ERAP2: variants seen among roughly 807,000 people sequenced by gnomAD.
ERAP2 encodes leukocyte-derived arginine aminopeptidase.
Under a neutral mutation model 111.1 loss-of-function variants are expected in ERAP2, and 118 were observed. The ratio of observed to expected loss-of-function variants is 1.06; its 90% CI spans 0.92 to 1.24. The LOEUF (loss-of-function observed/expected upper bound fraction) is 1.24, where lower values mean the gene tolerates loss of function less well. Ranked by LOEUF, ERAP2 falls within the 50% of genes most tolerant of loss-of-function variation. The probability of loss-of-function intolerance (pLI) is 0.00; values close to 1 mark genes in which losing one functional copy is unlikely to be tolerated. For synonymous variants in ERAP2, 410 were observed against 401.2 expected (o/e 1.02, Z -0.26); for missense variants, 1,131 against 1,125.8 (o/e 1.00, Z -0.07).
intron 7 of ERAP2, 138 bp downstream of exon 7, chr5:96,895,497 G>A (rs1289591870): frequency 2.1e-5 from 14 of 661,252 alleles, no homozygotes; most frequent in Middle Eastern, 2.9e-4. Context: ...TTTGATACAC[G>A]AAACAGATCA....
At chr5:96,911,118 G>A (rs912477658) in intron 15 of ERAP2, among the ~76,000 whole-genome samples, 11 of 152,216 alleles carry the variant, frequency 7.2e-5, no homozygotes, top group African/African-American at 2.4e-4. Context: ...AATCCCATCT[G>A]CAAATGGCAA....
intron 12 of ERAP2, chr5:96,902,622 C>T (rs1320957572): frequency 3.5e-6 from 1 of 288,160 alleles, no homozygotes; most frequent in Non-Finnish European, 6.5e-6. Flanking sequence ...TCTTATAATA[C>T]CCACTAATCT....
intron 14 of ERAP2, 152 bp from the exon 15 acceptor site, chr5:96,909,428 G>A: frequency 1.5e-6 from 1 of 673,674 alleles, no homozygotes; most frequent in East Asian, 2.7e-5. Flanking sequence ...GTGGGTAACA[G>A]CCAGAAAAAG....
At position 96,879,772 on chromosome 5, in the gene ERAP2, GC is replaced by G; in HGVS notation, c.91del (p.Gln31LysfsTer25). ...RGFYCLTAIL[P>X]QICICSQFSV... ...GATTTTACTGCTTAACAGCCATCTT[GC>G]CCCAAATATGCATTTGTTCTCAGTT... On this transcript the variant is annotated frameshift_variant, in exon 2 of 19. Coordinates refer to ENST00000437043, the MANE Select transcript of ERAP2 (RefSeq NM_022350.5). LOFTEE classifies it high-confidence loss of function. 1 of 1,614,172 alleles carries G rather than the reference GC, an allele frequency of 6.2e-7. No individual in the cohort carries two copies. Among genetic ancestry groups the G allele is most frequent in the Non-Finnish European group, 8.5e-7 (1 of 1,180,020 alleles).
At chr5:96,898,362 A>G (rs1020054650) in intron 9 of ERAP2, among the ~76,000 whole-genome samples, 1 of 152,054 alleles carries the variant, frequency 6.6e-6, no homozygotes, top group Non-Finnish European at 1.5e-5. Flanking sequence ...AAATCCAACA[A>G]TCAAAAATTA....
At chr5:96,900,822 A>C (rs966811871) in intron 10 of ERAP2, among the ~76,000 whole-genome samples, 7 of 152,136 alleles carry the variant, frequency 4.6e-5, no homozygotes, top group Non-Finnish European at 1.0e-4. Context: ...GATTACAGGC[A>C]CACACCACCA....
chr5:96,909,574 C>A lies in ERAP2; in HGVS notation c.2170-6C>A. The A allele has an allele frequency of 6.2e-7, 1 of 1,611,832 alleles. No homozygotes were observed. The highest frequency in any genetic ancestry group is 8.5e-7 in the Non-Finnish European group (1 of 1,177,976). On this transcript the variant is annotated splice_polypyrimidine_tract_variant and splice_region_variant and intron_variant, in intron 14 of 18. Coordinates refer to ENST00000437043, the MANE Select transcript of ERAP2 (RefSeq NM_022350.5). ...CTCTCTGTTAACCATCTCATATTTT[C>A]TGCAGCGTTACCTTCTTCAGTATTT... is the stretch of plus-strand genomic sequence containing the variant.
At chr5:96,891,517 GCCC>G (rs1561371970) in intron 5 of ERAP2, among the ~76,000 whole-genome samples, 1 of 136,858 alleles carries the variant, frequency 7.3e-6, no homozygotes, top group African/African-American at 2.8e-5. Flanking sequence ...ATATATATAT[GCCC>G]ATATACGGTA....
intron 10 of ERAP2, 132 bp downstream of exon 10, chr5:96,900,321 T>TA: frequency 7.3e-7 from 1 of 1,373,402 alleles, no homozygotes. Context: ...CGATTTTCTC[T>TA]AAAACAAAAC....
chr5:96,896,774 G>A lies in ERAP2; in HGVS notation c.1414G>A (p.Glu472Lys), dbSNP rs1784902153. Residue 472 changes from glutamate to lysine, a missense_variant, in exon 9 of 19, where the codon GAG (glutamate) becomes AAG (lysine). Around this residue, in one of 3 missense-constraint regions of ERAP2, gnomAD observed 847 missense variants for 856.5 expected, o/e 0.99. Transcript: ENST00000437043. ...TATGCTCAAGGATTTTCTGGGTGAG[G>A]AGAAATTCCAGAAAGGAATAATTCA... ...LNMLKDFLGE[E>K]KFQKGIIQYL... The A allele has an allele frequency of 6.8e-7, 1 of 1,471,784 alleles. No homozygotes were observed. 91.2% of individuals were successfully genotyped at this position (1,471,784 alleles called of 1,614,324 possible).
chr5:96,909,912 T>TCG, intron 15 of ERAP2, 148 bp downstream of exon 15: 2 of 715,856 alleles, frequency 2.8e-6, no homozygotes, highest in Non-Finnish European at 4.6e-6. Context: ...TGCTCTCACA[T>TCG]TGTAAGTGCT....
At position 96,902,255 on chromosome 5, in the gene ERAP2, T is replaced by G. The variant is rs372081877; in HGVS notation, c.1749-19T>G. On this transcript the variant is annotated intron_variant, in intron 11 of 18. Coordinates refer to ENST00000437043, the MANE Select transcript of ERAP2 (RefSeq NM_022350.5). ...GCAGCATTCTTTTGGTCTGTAACTA[T>G]CTTTACTCTCTGTCATAGGTACCTG... 3.5e-5 allele frequency: 54 copies of G among 1,543,836 alleles called. No homozygotes were observed. Among genetic ancestry groups the G allele is most frequent in the Non-Finnish European group, 4.4e-5 (49 of 1,116,328 alleles).
At position 96,889,228 on chromosome 5, in the gene ERAP2, A is replaced by C. The variant is rs189272659; in HGVS notation, c.893A>C (p.Tyr298Ser). 6.2e-7 allele frequency: 1 copy of C among 1,614,142 alleles called. No homozygotes were observed. Among genetic ancestry groups the C allele is most frequent in the East Asian group, 2.2e-5 (1 of 44,874 alleles). The change falls in exon 5 of 19, where the codon TAT (tyrosine) becomes TCT (serine). Residue 298 changes from tyrosine to serine, a missense_variant. By Grantham distance (144) the Tyr-to-Ser change is moderately radical. Around this residue, in one of 3 missense-constraint regions of ERAP2, gnomAD observed 847 missense variants for 856.5 expected, o/e 0.99. Coordinates refer to ENST00000437043, the MANE Select transcript of ERAP2 (RefSeq NM_022350.5). ...CCAGACAAACGGAATCAAACACATT[A>C]TGCTTTGCAGGCATCACTGAAGCTA... is the stretch of plus-strand genomic sequence containing the variant. ...ASPDKRNQTH[Y>S]ALQASLKLLD...
chr5:96,888,641 A>G (rs1043214189), intron 4 of ERAP2, among the ~76,000 whole-genome samples: 3 of 152,268 alleles, frequency 2.0e-5, no homozygotes, highest in African/African-American at 7.2e-5. Context: ...CTTGGAAGGC[A>G]AGAAAATTTG....
At chr5:96,912,115 C>T (rs1234198412) in intron 15 of ERAP2, among the ~76,000 whole-genome samples, 2 of 144,946 alleles carry the variant, frequency 1.4e-5, no homozygotes, top group East Asian at 2.0e-4. Context: ...GTGTGAACCC[C>T]GGGGGGCGGA....
chr5:96,885,193 C>T (rs751480189), intron 3 of ERAP2, among the ~76,000 whole-genome samples: 1 of 152,176 alleles, frequency 6.6e-6, no homozygotes, highest in African/African-American at 2.4e-5. Context: ...AGTCTCACAG[C>T]CTCACGCCTC....
chr5:96,882,756 A>C (rs1783285865), intron 2 of ERAP2, among the ~76,000 whole-genome samples: 1 of 152,192 alleles, frequency 6.6e-6, no homozygotes, highest in South Asian at 2.1e-4. Context: ...TTGAGGCCAC[A>C]AGTGAATCAT....
intron 2 of ERAP2, among the ~76,000 whole-genome samples, chr5:96,883,272 C>T (rs1370170928): frequency 6.6e-6 from 1 of 152,158 alleles, no homozygotes; most frequent in Non-Finnish European, 1.5e-5. Flanking sequence ...TTTTCCCTGT[C>T]CTGCTTCCCT....
rs763628895 is a variant in ERAP2, at chr5:96,912,706, TTTAGAGCAA to T, written c.2426_2434del (p.Leu809_Gln811del). On this transcript the variant is annotated inframe_deletion, in exon 16 of 19. Coordinates refer to ENST00000437043, the MANE Select transcript of ERAP2 (RefSeq NM_022350.5). The stretch of plus-strand genomic sequence containing the variant: ...AGACAACAGCAGGATGGAATTACCT[TTTAGAGCAA>T]TATGAACTGTCAATGTCAAGTGCTG... 4.0e-5 allele frequency: 64 copies of T among 1,607,432 alleles called. No individual in the cohort carries two copies. The highest frequency in any genetic ancestry group is 5.3e-5 in the Non-Finnish European group (63 of 1,178,052).
Sources: gnomAD v4.1 joint callset for allele counts (sites outside exome capture counted in the v4.1 genomes callset) on GRCh38, gnomAD v4.1.1 for gene constraint, gnomAD v4.1.1 regional missense constraint, MANE v1.5 for transcripts, NCBI Gene and HGNC (gene_info 2026-07-23, HGNC 2026-07-21) for gene names.